The following PXDC1 variants were observed in gnomAD, a reference collection of about 807,000 sequenced individuals.
The protein encoded by PXDC1 is PX domain-containing protein 1.
A neutral mutation model predicts 24.4 loss-of-function variants in PXDC1; 13 were observed. The ratio of observed to expected loss-of-function variants is 0.53; its 90% CI spans 0.35 to 0.85. The LOEUF is 0.85. Among genes scored for constraint, PXDC1 ranks in the 40% least tolerant of loss-of-function variants. PXDC1 has a pLI of 0.01. For synonymous variants in PXDC1, 162 were observed against 124.9 expected, an observed-to-expected ratio of 1.30 and a Z score of -1.98; for missense variants, 344 against 309.3, an observed-to-expected ratio of 1.11 and a Z score of -0.84.
intron 1 of PXDC1, among the ~76,000 whole-genome samples, chr6:3,746,248 G>T (rs903638822): frequency 7.2e-5 from 11 of 152,214 alleles, no homozygotes; most frequent in African/African-American, 2.7e-4. Flanking sequence ...CTGTCGGGGG[G>T]GCAGCAAACC....
chr6:3,740,199 C>G (rs1007653425), intron 1 of PXDC1, among the ~76,000 whole-genome samples: 1 of 152,190 alleles, frequency 6.6e-6, no homozygotes, highest in African/African-American at 2.4e-5. Context: ...GTTTATAATG[C>G]TTTTATCTTT....
At chr6:3,740,500 C>G (rs1760429031) in intron 1 of PXDC1, among the ~76,000 whole-genome samples, 1 of 152,174 alleles carries the variant, frequency 6.6e-6, no homozygotes. Flanking sequence ...CCTACGCTAT[C>G]TTCTTTGTGA....
intron 3 of PXDC1, among the ~76,000 whole-genome samples, chr6:3,734,957 C>A (rs938011546): frequency 6.6e-6 from 1 of 152,074 alleles, no homozygotes; most frequent in Admixed American, 6.5e-5. Flanking sequence ...TGATGGGATA[C>A]GCCTGTAGTC....
rs1234511722 is a variant in PXDC1, at chr6:3,751,643, G to C, written c.-112C>G. ...TCTGTCCGTGGCCGGGGTCGTCCGG[G>C]GTCGGCCCGTCACTCCAAGGAGGCT... On this transcript the variant is annotated 5_prime_UTR_variant, in exon 1 of 5. Coordinates refer to ENST00000380283, the MANE Select transcript of PXDC1 (RefSeq NM_183373.4). 7 of 1,335,898 alleles carry C rather than the reference G, an allele frequency of 5.2e-6. No homozygotes were observed. In the East Asian group the frequency reaches 2.2e-4, roughly 42 times the overall value. The allele number at this position is 1,335,898 out of a possible 1,614,324, so 82.8% of individuals were successfully genotyped here. A position where few individuals can be genotyped will look rare whatever the true frequency, so the allele number is the denominator to read the frequency against.
At chr6:3,727,455 G>T in intron 4 of PXDC1, 96 bp downstream of exon 4, 1 of 806,638 alleles carries the variant, frequency 1.2e-6, no homozygotes, top group Non-Finnish European at 2.0e-6. Context: ...GTGGCTCTGG[G>T]CACCCACTTC....
chr6:3,723,853 C>A, intron 4 of PXDC1, 117 bp from the exon 5 acceptor site: 1 of 760,198 alleles, frequency 1.3e-6, no homozygotes, highest in Non-Finnish European at 2.3e-6. Context: ...AAAAAAACCA[C>A]GGCTACAAAT....
intron 1 of PXDC1, among the ~76,000 whole-genome samples, chr6:3,743,765 A>T (rs1760502014): frequency 6.6e-6 from 1 of 152,184 alleles, no homozygotes; most frequent in Admixed American, 6.5e-5. Context: ...GTACAAGGAG[A>T]GCGAGATTGC....
intron 1 of PXDC1, 40 bp downstream of exon 1, chr6:3,751,236 G>A: frequency 7.2e-7 from 1 of 1,394,524 alleles, no homozygotes; most frequent in Non-Finnish European, 9.4e-7. Flanking sequence ...CTTCAAGGCT[G>A]CCTCGGCCCC....
rs1216582458 is a variant in PXDC1, at chr6:3,723,244, C to T, written c.*375G>A. 93 of 207,106 alleles carry T rather than the reference C, an allele frequency of 4.5e-4. 2 individuals carry two copies. The Admixed American group carries it at 5.2e-3, about 12-fold the overall frequency. 12.8% of individuals were successfully genotyped at this position (207,106 alleles called of 1,614,324 possible). A position where few individuals can be genotyped will look rare whatever the true frequency, so the allele number is the denominator to read the frequency against. On this transcript the variant is annotated 3_prime_UTR_variant, in exon 5 of 5. Coordinates refer to ENST00000380283, the MANE Select transcript of PXDC1 (RefSeq NM_183373.4). ...GTGGGGAGTCAGGGTGGCTGGGGGG[C>T]ACTAGGCCACTTCACCAAGAGGGAT... is the stretch of plus-strand genomic sequence containing the variant.
At chr6:3,735,349 G>A (rs562532771) in intron 3 of PXDC1, among the ~76,000 whole-genome samples, 11 of 152,246 alleles carry the variant, frequency 7.2e-5, no homozygotes, top group South Asian at 2.1e-4. Context: ...AACACACAAC[G>A]GAAACCACCA....
At chr6:3,726,774 A>T (rs1760077767) in intron 4 of PXDC1, among the ~76,000 whole-genome samples, 1 of 152,234 alleles carries the variant, frequency 6.6e-6, no homozygotes, top group South Asian at 2.1e-4. Flanking sequence ...GCCCACAGGG[A>T]GACTCTGCAT....
chr6:3,730,278 C>T lies in PXDC1; in HGVS notation c.467-2616G>A, dbSNP rs532954339. On this transcript the variant is annotated intron_variant, in intron 3 of 4. Coordinates refer to ENST00000380283, the MANE Select transcript of PXDC1 (RefSeq NM_183373.4). ...CCTAGGGGCAAGCCAGCAGGCTACA[C>T]AGCTGGCAGGTGTGCAGCAACCTCT... is the stretch of plus-strand genomic sequence containing the variant. 5.9e-5 allele frequency among the ~76,000 whole-genome samples: 9 copies of T among 152,368 alleles called. No homozygotes were observed. In the South Asian group the frequency reaches 1.7e-3, roughly 28 times the overall value.
chr6:3,743,543 A>G (rs925162757), intron 1 of PXDC1, among the ~76,000 whole-genome samples: 1 of 152,168 alleles, frequency 6.6e-6, no homozygotes, highest in Non-Finnish European at 1.5e-5. Flanking sequence ...AATATCTAAA[A>G]TGTTTTAGGA....
At chr6:3,739,084 C>G (rs1760397694) in intron 1 of PXDC1, 14 of 1,179,624 alleles carry the variant, frequency 1.2e-5, no homozygotes, top group Non-Finnish European at 1.5e-5. Context: ...CGGAGACTAA[C>G]TTTTTCAGAA....
At position 3,751,598 on chromosome 6, in the gene PXDC1, C is replaced by T; in HGVS notation, c.-67G>A. On this transcript the variant is annotated 5_prime_UTR_variant, in exon 1 of 5. Transcript: ENST00000380283. ...CCCGCCCGCCCGCAGGAGGCGCGCC[C>T]CGGCCGGGGTCGTCCCGGGTCTGTC... 2 of 1,429,970 alleles carry T rather than the reference C, an allele frequency of 1.4e-6. No individual in the cohort carries two copies. The highest frequency in any genetic ancestry group is 1.8e-6 in the Non-Finnish European group (2 of 1,097,292). 88.6% of individuals were successfully genotyped at this position (1,429,970 alleles called of 1,614,324 possible). A position where few individuals can be genotyped will look rare whatever the true frequency, so the allele number is the denominator to read the frequency against.
rs770135799 is a variant in PXDC1, at chr6:3,723,623, T to TC, written c.691dup (p.Asp231GlyfsTer45). ...GGGGAGGCCTGATAGAGAGGTTCAG[T>TC]CCCAAATGTCTGTCTCGAAGGGGAC... is the stretch of plus-strand genomic sequence containing the variant. On this transcript the variant is annotated frameshift_variant, in exon 5 of 5. Transcript: ENST00000380283. LOFTEE classifies it high-confidence loss of function. The TC allele has an allele frequency of 3.1e-6, 5 of 1,612,278 alleles. No individual in the cohort carries two copies. The Admixed American group carries it at 8.3e-5, about 27-fold the overall frequency.
At chr6:3,731,689 T>C (rs1760199957) in intron 3 of PXDC1, among the ~76,000 whole-genome samples, 1 of 152,232 alleles carries the variant, frequency 6.6e-6, no homozygotes, top group Non-Finnish European at 1.5e-5. Flanking sequence ...AGTTGCTCTG[T>C]CTTGGTCTTC....
At chr6:3,744,996 G>A (rs1484592465) in intron 1 of PXDC1, among the ~76,000 whole-genome samples, 2 of 152,244 alleles carry the variant, frequency 1.3e-5, no homozygotes, top group East Asian at 3.8e-4. Context: ...CACCGCGGCA[G>A]CCATTCTTTC....
chr6:3,745,424 C>T (rs973326939), intron 1 of PXDC1, among the ~76,000 whole-genome samples: 26 of 152,244 alleles, frequency 1.7e-4, no homozygotes, highest in African/African-American at 5.5e-4. Context: ...GTACTCACAA[C>T]GGCCCTGCGT....
Sources: gnomAD v4.1 joint callset for allele counts (sites outside exome capture counted in the v4.1 genomes callset) on GRCh38, gnomAD v4.1.1 for gene constraint, MANE v1.5 for transcripts, NCBI Gene and HGNC (gene_info 2026-07-23, HGNC 2026-07-21) for gene names.